Variants in NAF1 observed in about 807,000 individuals in gnomAD.
NAF1 encodes the protein H/ACA ribonucleoprotein complex non-core subunit NAF1.
NAF1 carries 11 observed loss-of-function variants against 40.6 expected under a neutral mutation model. That is an observed-to-expected ratio of 0.27 (90% CI 0.17 to 0.45). The LOEUF (loss-of-function observed/expected upper bound fraction) is 0.45. Among genes scored for constraint, NAF1 ranks in the 20% least tolerant of loss-of-function variants. NAF1 has a pLI of 1.00. For missense variants in NAF1, 607 were observed against 611.1 expected, an observed-to-expected ratio of 0.99 and a Z score of 0.07; for synonymous variants, 260 against 228.5, an observed-to-expected ratio of 1.14 and a Z score of -1.24.
intron 5 of NAF1, among the ~76,000 whole-genome samples, chr4:163,139,434 G>A (rs531794148): frequency 3.3e-5 from 5 of 151,584 alleles, no homozygotes; most frequent in African/African-American, 4.8e-5. Context: ...TACATCATTC[G>A]AAAGCATTCA....
chr4:163,164,471 A>G, intron 1 of NAF1, 80 bp from the exon 2 acceptor site: 3 of 1,007,278 alleles, frequency 3.0e-6, no homozygotes, highest in Non-Finnish European at 1.4e-6. Flanking sequence ...ATTAAGAAAT[A>G]TCAACTTTAA....
downstream of NAF1, among the ~76,000 whole-genome samples, chr4:163,127,790 G>A (rs1730712082): frequency 6.6e-6 from 1 of 152,146 alleles, no homozygotes. Flanking sequence ...AGAGCGCATG[G>A]GCTTGTGCTA....
downstream of NAF1, among the ~76,000 whole-genome samples, chr4:163,121,794 G>C (rs985177728): frequency 6.6e-6 from 1 of 152,154 alleles, no homozygotes; most frequent in African/African-American, 2.4e-5. Context: ...TTAAGATAGT[G>C]TCCTAAGTAA....
chr4:163,164,399 G>A lies in NAF1; in HGVS notation c.366-8C>T. 1 of 1,515,886 alleles carries A rather than the reference G, an allele frequency of 6.6e-7. No homozygotes were observed. Among genetic ancestry groups the A allele is most frequent in the Non-Finnish European group, 8.8e-7 (1 of 1,134,672 alleles). The allele number at this position is 1,515,886 out of a possible 1,614,324, so 93.9% of individuals were successfully genotyped here. On this transcript the variant is annotated splice_polypyrimidine_tract_variant and splice_region_variant and intron_variant, in intron 1 of 7. Transcript: ENST00000274054. ...CTATCTGAATCTGTTTCACTGTAGG[G>A]AAGAAAACAGTTAAAAAAATAGTCC...
At chr4:163,150,380 C>A (rs1208562340) in intron 2 of NAF1, among the ~76,000 whole-genome samples, 1 of 152,094 alleles carries the variant, frequency 6.6e-6, no homozygotes, top group African/African-American at 2.4e-5. Context: ...CCATAGACAG[C>A]TAATGTTAAC....
At chr4:163,140,841 C>A (rs965891250) in intron 4 of NAF1, among the ~76,000 whole-genome samples, 3 of 152,086 alleles carry the variant, frequency 2.0e-5, no homozygotes, top group African/African-American at 7.2e-5. Flanking sequence ...TTTGCTGTTT[C>A]CACAGTGTTA....
chr4:163,111,185 T>C (rs1579111673), intron 2 of NAF1, among the ~76,000 whole-genome samples: 1 of 152,138 alleles, frequency 6.6e-6, no homozygotes, highest in African/African-American at 2.4e-5. Flanking sequence ...ACTGATTTGG[T>C]GTTAAAAAAA....
At chr4:163,146,221 TA>T (rs1489059877) in intron 3 of NAF1, among the ~76,000 whole-genome samples, 2 of 152,204 alleles carry the variant, frequency 1.3e-5, no homozygotes, top group Non-Finnish European at 2.9e-5. Context: ...AAAACTGTTT[TA>T]GAAGAAATTA....
At chr4:163,137,164 T>G in intron 6 of NAF1, 35 bp downstream of exon 6, 1 of 1,610,192 alleles carries the variant, frequency 6.2e-7, no homozygotes, top group Non-Finnish European at 8.5e-7. Flanking sequence ...CCTGCCCTAC[T>G]TTATAAAATG....
In NAF1 at chr4:163,166,829, A is replaced by G. The variant is rs1034802345; in HGVS notation, c.-102T>C. 4.1e-5 allele frequency: 60 copies of G among 1,463,232 alleles called. No homozygotes were observed. Among genetic ancestry groups the G allele is most frequent in the Middle Eastern group, 3.8e-4 (2 of 5,280 alleles). The allele number at this position is 1,463,232 out of a possible 1,614,324, so 90.6% of individuals were successfully genotyped here. On this transcript the variant is annotated 5_prime_UTR_variant, in exon 1 of 8. Transcript: ENST00000274054. ...AAACAACTTAGGCAACCGCAGCAAC[A>G]CTGCCTGGGCCCAACTTCCCGCGTT...
chr4:163,112,482 C>T (rs1730192724), intron 2 of NAF1, among the ~76,000 whole-genome samples: 1 of 152,160 alleles, frequency 6.6e-6, no homozygotes, highest in Non-Finnish European at 1.5e-5. Flanking sequence ...GAAATTCAAA[C>T]TGCAGTACAT....
At chr4:163,165,890 AATC>A (rs148063403) in intron 1 of NAF1, among the ~76,000 whole-genome samples, 2,844 of 152,286 alleles carry the variant, frequency 0.019, 99 homozygotes, top group African/African-American at 0.064. Context: ...AAATTAACGT[AATC>A]ATCAAGAGCC....
intron 2 of NAF1, 53 bp downstream of exon 2, chr4:163,164,164 C>T (rs1732346337): frequency 8.4e-6 from 12 of 1,427,534 alleles, no homozygotes; most frequent in Non-Finnish European, 1.1e-5. Flanking sequence ...AATACTGGTA[C>T]CAGAATACGT....
chr4:163,144,880 TTGAG>T (rs1337054461), intron 4 of NAF1, among the ~76,000 whole-genome samples: 1 of 152,190 alleles, frequency 6.6e-6, no homozygotes, highest in Non-Finnish European at 1.5e-5. Context: ...TAGCAAAGTG[TTGAG>T]TATTTTCAGA....
chr4:163,164,860 T>C (rs1413246467), intron 1 of NAF1, among the ~76,000 whole-genome samples: 1 of 152,250 alleles, frequency 6.6e-6, no homozygotes, highest in Non-Finnish European at 1.5e-5. Flanking sequence ...TACGAAAGTA[T>C]GTAGACCATT....
intron 2 of NAF1, among the ~76,000 whole-genome samples, chr4:163,151,665 G>A (rs1476463540): frequency 2.6e-5 from 4 of 151,918 alleles, no homozygotes; most frequent in East Asian, 3.9e-4. Flanking sequence ...TTGAGATGAC[G>A]GGCTAGTTCC....
Position 163,128,968 on chromosome 4 carries a change from G to A in NAF1, c.1414C>T (p.Pro472Ser). 1 of 1,468,380 alleles carries A rather than the reference G, an allele frequency of 6.8e-7. No homozygotes were observed. The highest frequency in any genetic ancestry group is 1.2e-5 in the South Asian group (1 of 82,308). 91.0% of individuals were successfully genotyped at this position (1,468,380 alleles called of 1,614,324 possible). ...GGAGGAGGCAGTGGTGGAGGGGGAG[G>A]GGGTGGGGGTAGGGAGTATGGTAAG... Reference protein sequence around the residue: ...LNLPYSLPPPPPPPPLPPPPS... With the variant: ...LNLPYSLPPPSPPPPLPPPPS... Residue 472 changes from proline to serine, a missense_variant, in exon 8 of 8, where the codon CCT (proline) becomes TCT (serine). Coordinates refer to ENST00000274054, the MANE Select transcript of NAF1 (RefSeq NM_138386.3).
chr4:163,141,898 C>T, intron 4 of NAF1: 1 of 957,456 alleles, frequency 1.0e-6, no homozygotes. Context: ...CTGAATCTTT[C>T]ATTAATTTTC....
intron 2 of NAF1, among the ~76,000 whole-genome samples, chr4:163,120,237 C>A (rs984064611): frequency 6.6e-6 from 1 of 152,142 alleles, no homozygotes; most frequent in Non-Finnish European, 1.5e-5. Context: ...TAAAGAGCTG[C>A]AATAATAGGT....
Sources: allele counts gnomAD v4.1 joint callset (sites outside exome capture counted in the v4.1 genomes callset), GRCh38; gene constraint gnomAD v4.1.1; transcripts MANE v1.5; gene names NCBI Gene and HGNC (gene_info 2026-07-23, HGNC 2026-07-21).